PLSCR4: variants seen among roughly 807,000 people sequenced by gnomAD.
The protein encoded by PLSCR4 is phospholipid scramblase 4, also known as Ca(2+)-dependent phospholipid scramblase 4.
PLSCR4 carries 25 observed loss-of-function variants against 36.3 expected under a neutral mutation model. The ratio of observed to expected loss-of-function variants is 0.69; its 90% CI spans 0.50 to 0.96. PLSCR4 has a LOEUF of 0.96. PLSCR4 is among the 40% of genes least tolerant of loss of function. The pLI is 0.00. For synonymous variants in PLSCR4, 122 were observed against 132.9 expected (o/e 0.92, Z 0.56); for missense variants, 408 against 414.7 (o/e 0.98, Z 0.14).
intron 3 of PLSCR4, among the ~76,000 whole-genome samples, chr3:146,219,147 G>A (rs1054094122): frequency 1.3e-5 from 2 of 152,182 alleles, no homozygotes; most frequent in African/African-American, 4.8e-5. Context: ...CATTAGTTGT[G>A]TGGTCTGCAC....
At chr3:146,198,473 T>G (rs1468670802) in intron 6 of PLSCR4, among the ~76,000 whole-genome samples, 1 of 152,074 alleles carries the variant, frequency 6.6e-6, no homozygotes, top group Admixed American at 6.6e-5. Flanking sequence ...TAATCACAGG[T>G]CACTGCAGCC....
intron 1 of PLSCR4, among the ~76,000 whole-genome samples, chr3:146,248,074 A>AT (rs1412012513): frequency 6.6e-6 from 1 of 152,320 alleles, no homozygotes; most frequent in Admixed American, 6.5e-5. Flanking sequence ...ACATTGCTGT[A>AT]TTTTTTGTTT....
At chr3:146,205,611 T>A (rs1264596041) in intron 4 of PLSCR4, among the ~76,000 whole-genome samples, 1 of 152,088 alleles carries the variant, frequency 6.6e-6, no homozygotes, top group African/African-American at 2.4e-5. Flanking sequence ...ATACTATGGA[T>A]AACATCTACA....
rs558040485 is a variant in PLSCR4 at position 146,225,467 on chromosome 3, T to C, written c.-21-3375A>G. On this transcript the variant is annotated intron_variant, in intron 1 of 8. Transcript: ENST00000354952. Reference sequence around the variant, plus strand: ...CCCTTGGGTGGTCGATGGGACTGGGTGCGGTGGAGCAGGGGGTGGTGCTCG... The same window carrying C: ...CCCTTGGGTGGTCGATGGGACTGGGCGCGGTGGAGCAGGGGGTGGTGCTCG... Among the ~76,000 whole-genome samples, 88 of 152,018 alleles carry C rather than the reference T, an allele frequency of 5.8e-4. 5 individuals are homozygous for C. The Middle Eastern group carries it at 0.01, about 18-fold the overall frequency.
Position 146,194,248 on chromosome 3 carries a change from T to C in PLSCR4, c.*163A>G, listed in dbSNP as rs1175703094. 1 of 606,304 alleles carries C rather than the reference T, an allele frequency of 1.6e-6. No homozygotes were observed. Among genetic ancestry groups the C allele is most frequent in the Non-Finnish European group, 3.0e-6 (1 of 338,902 alleles). 37.6% of individuals were successfully genotyped at this position (606,304 alleles called of 1,614,324 possible). On this transcript the variant is annotated 3_prime_UTR_variant, in exon 9 of 9. Coordinates refer to ENST00000354952, the MANE Select transcript of PLSCR4 (RefSeq NM_020353.3). Reference sequence around the variant, plus strand: ...ACTCAATTGAAACACACTTTTAGATTGTGTTCTTGCAAGCCCACTCTCAGC... The same window carrying C: ...ACTCAATTGAAACACACTTTTAGATCGTGTTCTTGCAAGCCCACTCTCAGC...
intron 3 of PLSCR4, among the ~76,000 whole-genome samples, chr3:146,211,697 A>C (rs1340846560): frequency 9.2e-5 from 14 of 152,154 alleles, no homozygotes; most frequent in Admixed American, 9.2e-4. Flanking sequence ...TAGGTCTTTC[A>C]AACACATAGA....
chr3:146,219,839 C>A (rs894866771), intron 3 of PLSCR4, among the ~76,000 whole-genome samples: 8 of 152,132 alleles, frequency 5.3e-5, no homozygotes, highest in African/African-American at 1.9e-4. Flanking sequence ...ACTCCGAAAG[C>A]TGATGCAGGA....
Position 146,206,661 on chromosome 3 carries a change from C to T in PLSCR4, c.219G>A (p.Gln73=), listed in dbSNP as rs1306216484. 1 of 1,613,358 alleles carries T rather than the reference C, an allele frequency of 6.2e-7. No individual in the cohort carries two copies. Among genetic ancestry groups the T allele is most frequent in the Non-Finnish European group, 8.5e-7 (1 of 1,179,640 alleles). Residue 73 remains glutamine, a synonymous_variant, in exon 4 of 9, where the codon CAG becomes CAA. Coordinates refer to ENST00000354952, the MANE Select transcript of PLSCR4 (RefSeq NM_020353.3). ...GGACAGGATGGATACCACCAACTGGCTGGTACAAAGGGAAGGTACTGGGTT... is the reference window on the plus strand; with the variant it reads ...GGACAGGATGGATACCACCAACTGGTTGGTACAAAGGGAAGGTACTGGGTT... ...PQQPSTFPLY[Q]PVGGIHPVRY... is the part of the protein sequence containing the mutation.
rs181348856 is a variant in PLSCR4 at position 146,211,463 on chromosome 3, G to A, written c.119-4702C>T. 9.5e-4 allele frequency among the ~76,000 whole-genome samples: 145 copies of A among 152,154 alleles called. No individual in the cohort carries two copies. In the Middle Eastern group the frequency reaches 0.01, roughly 11 times the overall value. On this transcript the variant is annotated intron_variant, in intron 3 of 8. Coordinates refer to ENST00000354952, the MANE Select transcript of PLSCR4 (RefSeq NM_020353.3). ...TATTCAAGATAAAAGTCTCTTGCCA[G>A]ATAGTTTGCAAGTGTTTTCTCTCAT...
chr3:146,224,237 T>G (rs548652023), intron 1 of PLSCR4, among the ~76,000 whole-genome samples: 64 of 152,280 alleles, frequency 4.2e-4, no homozygotes, highest in African/African-American at 1.5e-3. Context: ...AATGGTAGAC[T>G]GAATAAATAA....
In PLSCR4 at chr3:146,193,602, A is replaced by G. The variant is rs188311526; in HGVS notation, c.*809T>C. 3.3e-5 allele frequency: 5 copies of G among 152,348 alleles called. No homozygotes were observed. The East Asian group carries it at 9.6e-4, about 29-fold the overall frequency. The allele number at this position is 152,348 out of a possible 1,614,324, so 9.4% of individuals were successfully genotyped here. Reference sequence around the variant, plus strand: ...CGTTATGAATTAAATGTACAAATGTATTATGTATAAATGTATTAAATGCAA... The same window carrying G: ...CGTTATGAATTAAATGTACAAATGTGTTATGTATAAATGTATTAAATGCAA... On this transcript the variant is annotated 3_prime_UTR_variant, in exon 9 of 9. Coordinates refer to ENST00000354952, the MANE Select transcript of PLSCR4 (RefSeq NM_020353.3).
intron 3 of PLSCR4, 53 bp downstream of exon 3, chr3:146,220,762 C>A: frequency 9.0e-7 from 1 of 1,112,978 alleles, no homozygotes; most frequent in South Asian, 1.4e-5. Context: ...CAATTTTAAT[C>A]ATTAGTATGG....
chr3:146,236,301 C>T (rs745498698), intron 1 of PLSCR4, among the ~76,000 whole-genome samples: 1 of 152,098 alleles, frequency 6.6e-6, no homozygotes, highest in Non-Finnish European at 1.5e-5. Flanking sequence ...TAAAGAAGAA[C>T]AGAAAGGAGA....
intron 1 of PLSCR4, among the ~76,000 whole-genome samples, chr3:146,244,339 A>C (rs1471651962): frequency 6.6e-6 from 1 of 152,140 alleles, no homozygotes; most frequent in Admixed American, 6.5e-5. Context: ...CATTATGTAC[A>C]TGCATGCCTT....
chr3:146,205,167 C>T (rs1183995726), intron 4 of PLSCR4, among the ~76,000 whole-genome samples: 1 of 151,896 alleles, frequency 6.6e-6, no homozygotes, highest in Non-Finnish European at 1.5e-5. Flanking sequence ...TCAGCACTTC[C>T]TTTTTCTATA....
At chr3:146,195,997 A>G (rs1246605937) in intron 7 of PLSCR4, among the ~76,000 whole-genome samples, 1 of 152,238 alleles carries the variant, frequency 6.6e-6, no homozygotes, top group Non-Finnish European at 1.5e-5. Flanking sequence ...AAGGCATTCA[A>G]AAAATATTCT....
Position 146,234,953 on chromosome 3 carries a change from G to C in PLSCR4, c.-21-12861C>G, listed in dbSNP as rs149662122. 3.3e-5 allele frequency among the ~76,000 whole-genome samples: 5 copies of C among 152,192 alleles called. No homozygotes were observed. The East Asian group carries it at 9.7e-4, about 29-fold the overall frequency. Reference sequence around the variant, plus strand: ...ACATTGAAATCATAACTCACAAAAGGCTGGCCAGAACTTTTGGCCTCAATC... The same window carrying C: ...ACATTGAAATCATAACTCACAAAAGCCTGGCCAGAACTTTTGGCCTCAATC... On this transcript the variant is annotated intron_variant, in intron 1 of 8. Transcript: ENST00000354952.
intron 1 of PLSCR4, among the ~76,000 whole-genome samples, chr3:146,230,138 C>T (rs978215530): frequency 2.0e-5 from 3 of 152,016 alleles, no homozygotes; most frequent in African/African-American, 7.2e-5. Context: ...TGTGGAGTTG[C>T]AAATTCTGGG....
intron 1 of PLSCR4, among the ~76,000 whole-genome samples, chr3:146,236,725 TG>T (rs201960721): frequency 0.017 from 2,556 of 152,258 alleles, 77 homozygotes; most frequent in African/African-American, 0.058. Flanking sequence ...CGCTTTCTTT[TG>T]TAAATTGCCC....
Sources: allele counts gnomAD v4.1 joint callset (sites outside exome capture counted in the v4.1 genomes callset), GRCh38; gene constraint gnomAD v4.1.1; transcripts MANE v1.5; gene names NCBI Gene and HGNC (gene_info 2026-07-23, HGNC 2026-07-21).